Variants in PHLDB1 observed in about 807,000 individuals in gnomAD.
PHLDB1 encodes pleckstrin homology like domain family B member 1.
Under a neutral mutation model 139.3 loss-of-function variants are expected in PHLDB1, and 65 were observed. That is an observed-to-expected ratio of 0.47 (90% CI 0.38 to 0.57). The LOEUF is 0.57. Ranked by LOEUF, PHLDB1 falls within the 20% of genes least tolerant of loss-of-function variation. The probability of loss-of-function intolerance (pLI) is 0.00; values close to 1 mark genes in which losing one functional copy is unlikely to be tolerated. For missense variants in PHLDB1, 1,624 were observed against 1,839.7 expected (o/e 0.88, Z 2.14); for synonymous variants, 679 against 734.5 (o/e 0.92, Z 1.22).
chr11:118,655,571 C>T, intron 20 of PHLDB1, 34 bp from the exon 21 acceptor site: 1 of 1,395,224 alleles, frequency 7.2e-7, no homozygotes, highest in Non-Finnish European at 1.0e-6. Context: ...TGAAGTGTGA[C>T]CGGCTCCATA....
chr11:118,643,278 G>A lies in PHLDB1; in HGVS notation c.2878-522G>A, dbSNP rs539487015. ...TAAGTAATCTCTCCAAGGCCACACA[G>A]CTAGGAAGTAGCAGAGCTTATGCCA... On this transcript the variant is annotated intron_variant, in intron 13 of 22. Coordinates refer to ENST00000600882, the MANE Select transcript of PHLDB1 (RefSeq NM_001144758.3). Among the ~76,000 whole-genome samples the A allele has an allele frequency of 2.6e-4, 40 of 152,336 alleles. 1 individual carries two copies. The Middle Eastern group carries it at 0.017, about 65-fold the overall frequency.
In PHLDB1 at chr11:118,608,693, G is replaced by A. The variant is rs536193863; in HGVS notation, c.-22+994G>A. On this transcript the variant is annotated intron_variant, in intron 1 of 22. Transcript: ENST00000600882. This position sits in a 1 kb window ranked among gnomAD's most constrained non-coding sequence, Gnocchi z 6.7. Reference sequence around the variant, plus strand: ...GCCCCACCACGCCGGGCTCCCACGCGGCACACACGCACGCCTCCGCGACAC... The same window carrying A: ...GCCCCACCACGCCGGGCTCCCACGCAGCACACACGCACGCCTCCGCGACAC... Among the ~76,000 whole-genome samples the A allele has an allele frequency of 2.6e-4, 39 of 152,192 alleles. No homozygotes were observed. The highest frequency in any genetic ancestry group is 8.9e-4 in the African/African-American group (37 of 41,502).
chr11:118,629,908 A>T, intron 6 of PHLDB1: 1 of 776,116 alleles, frequency 1.3e-6, no homozygotes, highest in Non-Finnish European at 1.8e-6. Context: ...CTCACCTGCC[A>T]CTTTAAGTCT....
chr11:118,607,329 T>TGTGGTG (rs60326273), upstream of PHLDB1, among the ~76,000 whole-genome samples: 55 of 57,656 alleles, frequency 9.5e-4, no homozygotes, highest in Non-Finnish European at 1.6e-3. Context: ...GAGGGGGATG[T>TGTGGTG]GTGGTGGTGG....
rs1410173442 is a variant in PHLDB1 at position 118,627,950 on chromosome 11, C to T, written c.1127C>T (p.Thr376Ile). 2.9e-5 allele frequency: 46 copies of T among 1,613,590 alleles called. No individual in the cohort carries two copies. Among genetic ancestry groups the T allele is most frequent in the Non-Finnish European group, 3.8e-5 (45 of 1,180,028 alleles). ...GCTTCTGGTGCTCTCAGTCAACCCACCAGCATTCCTGGCAGCCCCAAGTTT... is the reference window on the plus strand; with the variant it reads ...GCTTCTGGTGCTCTCAGTCAACCCATCAGCATTCCTGGCAGCCCCAAGTTT... ...YPASGALSQP[T>I]SIPGSPKFQP... Residue 376 changes from threonine to isoleucine, a missense_variant, in exon 6 of 23, where the codon ACC becomes ATC. Transcript: ENST00000600882.
At chr11:118,612,024 A>AACC in intron 1 of PHLDB1, among the ~76,000 whole-genome samples, 1 of 149,090 alleles carries the variant, frequency 6.7e-6, no homozygotes, top group East Asian at 2.0e-4. Flanking sequence ...AGAGCCATGC[A>AACC]ATCATCACAA....
Position 118,635,511 on chromosome 11 carries a change from G to T in PHLDB1, c.2498G>T (p.Ser833Ile). Residue 833 changes from serine (S) to isoleucine (I), a missense_variant, in exon 10 of 23, where the codon AGC (serine) becomes ATC (isoleucine). Coordinates refer to ENST00000600882, the MANE Select transcript of PHLDB1 (RefSeq NM_001144758.3). ...RELAGQGLLR[S>I]KAELLRSIAK... is the part of the protein sequence containing the mutation. ...CTGGCCGGCCAGGGGCTGCTCCGGA[G>T]CAAGGCTGAGCTGCTCCGCAGCATC... is the stretch of plus-strand genomic sequence containing the variant. 1 of 1,598,570 alleles carries T rather than the reference G, an allele frequency of 6.3e-7. No homozygotes were observed. Among genetic ancestry groups the T allele is most frequent in the Admixed American group, 1.8e-5 (1 of 56,816 alleles).
intron 4 of PHLDB1, among the ~76,000 whole-genome samples, chr11:118,623,687 G>GA (rs1376168934): frequency 7.0e-6 from 1 of 142,146 alleles, no homozygotes; most frequent in Non-Finnish European, 1.6e-5. Context: ...GCAAATTCAG[G>GA]ACCCCCCCGG....
At chr11:118,639,966 C>T in intron 12 of PHLDB1, 1 of 986,188 alleles carries the variant, frequency 1.0e-6, no homozygotes, top group Non-Finnish European at 1.2e-6. Context: ...CTCTTTAACC[C>T]CACCTGCTTC....
intron 17 of PHLDB1, chr11:118,647,094 T>C (rs1947645638): frequency 6.6e-6 from 1 of 152,266 alleles, no homozygotes; most frequent in African/African-American, 2.4e-5. Context: ...TAGTGGCTTT[T>C]ATAAGTTCAG....
At chr11:118,621,192 T>G (rs182866931) in intron 4 of PHLDB1, among the ~76,000 whole-genome samples, 4 of 152,154 alleles carry the variant, frequency 2.6e-5, no homozygotes, top group Admixed American at 1.3e-4. Context: ...AACCTTTCCT[T>G]CCCGCCCACT....
At chr11:118,644,469 A>G (rs1947123282) in intron 15 of PHLDB1, 1 of 466,986 alleles carries the variant, frequency 2.1e-6, no homozygotes, top group African/African-American at 2.0e-5. Flanking sequence ...CTCTGGAGGG[A>G]GGGGATGGAT....
chr11:118,623,000 C>T (rs1943119884), intron 4 of PHLDB1, among the ~76,000 whole-genome samples: 1 of 152,166 alleles, frequency 6.6e-6, no homozygotes, highest in Non-Finnish European at 1.5e-5. Flanking sequence ...ATGGGCTTCT[C>T]AGCCTACTAA....
intron 4 of PHLDB1, among the ~76,000 whole-genome samples, chr11:118,623,498 G>A (rs1555097189): frequency 1.3e-5 from 2 of 152,218 alleles, no homozygotes; most frequent in African/African-American, 4.8e-5. Context: ...GACTGGGCTT[G>A]TGTCTACTGC....
At chr11:118,635,119 T>G (rs1945424846) in intron 9 of PHLDB1, 4 of 540,740 alleles carry the variant, frequency 7.4e-6, no homozygotes, top group Non-Finnish European at 6.9e-6. Flanking sequence ...AGGAGAGCGG[T>G]GGGACGGGAC....
rs1941220183 is a variant in PHLDB1 at position 118,614,660 on chromosome 11, C to T, written c.162C>T (p.Ile54=). The change falls in exon 3 of 23, where the codon ATC becomes ATT. Residue 54 remains isoleucine, a synonymous_variant. Transcript: ENST00000600882. The stretch of plus-strand genomic sequence containing the variant: ...GCAGTGGGCGACTCAGCACAGCCAT[C>T]ACCCTCCTGCCGCTGGAGGAAGGTA... ...SLGSGRLSTA[I]TLLPLEEGRT... 1 of 1,613,894 alleles carries T rather than the reference C, an allele frequency of 6.2e-7. No homozygotes were observed. The highest frequency in any genetic ancestry group is 8.5e-7 in the Non-Finnish European group (1 of 1,179,880).
Position 118,627,914 on chromosome 11 carries a change from G to A in PHLDB1, c.1091G>A (p.Ser364Asn). Reference protein sequence around the residue: ...GQLPVVAISLSEYPASGALSQ... With the variant: ...GQLPVVAISLNEYPASGALSQ... ...CTGCCTGTGGTGGCCATCAGCCTGA[G>A]TGAATACCCAGCTTCTGGTGCTCTC... The change falls in exon 6 of 23, where the codon AGT becomes AAT. Residue 364 changes from serine to asparagine, a missense_variant. By Grantham distance (46) the Ser-to-Asn change is conservative. Transcript: ENST00000600882. The A allele has an allele frequency of 6.2e-7, 1 of 1,612,124 alleles. No homozygotes were observed. Among genetic ancestry groups the A allele is most frequent in the Non-Finnish European group, 8.5e-7 (1 of 1,180,024 alleles).
chr11:118,608,103 C>A lies in PHLDB1; in HGVS notation c.-22+404C>A, dbSNP rs915106129. On this transcript the variant is annotated intron_variant, in intron 1 of 22. Transcript: ENST00000600882. This position sits in a 1 kb window ranked among gnomAD's most constrained non-coding sequence, Gnocchi z 6.7. ...GTCCTCCAGCGCCCCACACCTCCCC[C>A]TCTCCGCCCACAGCAGGACCTTGGG... 1.3e-5 allele frequency among the ~76,000 whole-genome samples: 2 copies of A among 152,104 alleles called. No individual in the cohort carries two copies. The highest frequency in any genetic ancestry group is 2.1e-4 in the South Asian group (1 of 4,832).
chr11:118,650,736 T>A lies in PHLDB1; in HGVS notation c.3874+189T>A. 1 of 596,036 alleles carries A rather than the reference T, an allele frequency of 1.7e-6. No homozygotes were observed. Among genetic ancestry groups the A allele is most frequent in the Middle Eastern group, 4.4e-4 (1 of 2,248 alleles). 36.9% of individuals were successfully genotyped at this position (596,036 alleles called of 1,614,324 possible). ...CACCTCCATTTTTGTGTTCATTCATTCATTCCTTCATTCAGCAATGTTACT... is the reference window on the plus strand; with the variant it reads ...CACCTCCATTTTTGTGTTCATTCATACATTCCTTCATTCAGCAATGTTACT... On this transcript the variant is annotated intron_variant, in intron 20 of 22. Transcript: ENST00000600882. This position sits in a 1 kb window ranked among gnomAD's most constrained non-coding sequence, Gnocchi z 4.7.
Sources: gnomAD v4.1 joint callset for allele counts (sites outside exome capture counted in the v4.1 genomes callset) on GRCh38, gnomAD v4.1.1 for gene constraint, Gnocchi (gnomAD v3.1) non-coding constraint, MANE v1.5 for transcripts, NCBI Gene and HGNC (gene_info 2026-07-23, HGNC 2026-07-21) for gene names.